The following GPX4 variants were observed in gnomAD, a reference collection of about 807,000 sequenced individuals.
GPX4 encodes phospholipid hydroperoxide glutathione peroxidase GPX4.
GPX4 carries 28 observed loss-of-function variants against 27.8 expected under a neutral mutation model. The observed-to-expected ratio is 1.01, with a 90% CI of 0.75 to 1.38. GPX4 has a LOEUF of 1.38. Among genes scored for constraint, GPX4 ranks in the 40% most tolerant of loss-of-function variants. The probability of loss-of-function intolerance (pLI) is 0.00; values close to 1 mark genes in which losing one functional copy is unlikely to be tolerated. For missense variants in GPX4, 357 were observed against 274.1 expected, an observed-to-expected ratio of 1.30 and a Z score of -2.14; for synonymous variants, 163 against 107.8, an observed-to-expected ratio of 1.51 and a Z score of -3.17.
chr19:1,106,697 C>G lies in GPX4; in HGVS notation c.*125C>G. On this transcript the variant is annotated 3_prime_UTR_variant, in exon 7 of 7. Coordinates refer to ENST00000354171, the MANE Select transcript of GPX4 (RefSeq NM_002085.5). The stretch of plus-strand genomic sequence containing the variant: ...ACCCGAAAATCCAGCGTGCACCCCG[C>G]CGGAGGAAGGTCCCATGGCCTGCTG... 7.5e-7 allele frequency: 1 copy of G among 1,327,300 alleles called. No individual in the cohort carries two copies. The highest frequency in any genetic ancestry group is 1.0e-6 in the Non-Finnish European group (1 of 963,886). The allele number at this position is 1,327,300 out of a possible 1,614,324, so 82.2% of individuals were successfully genotyped here. A position where few individuals can be genotyped will look rare whatever the true frequency, so the allele number is the denominator to read the frequency against.
In GPX4 at chr19:1,105,427, A is replaced by T; in HGVS notation, c.241A>T (p.Thr81Ser). Reference protein sequence around the residue: ...SQUGKTEVNYTQLVDLHARYA... With the variant: ...SQUGKTEVNYSQLVDLHARYA... ...GTGAGGCAAGACCGAAGTAAACTAC[A>T]CTCAGCTCGTCGACCTGCACGCCCG... The change falls in exon 3 of 7, where the codon ACT becomes TCT. Residue 81 changes from threonine to serine, a missense_variant. By Grantham distance (58) the Thr-to-Ser change is moderately conservative. Transcript: ENST00000354171. 6.2e-7 allele frequency: 1 copy of T among 1,612,268 alleles called. No individual in the cohort carries two copies. The highest frequency in any genetic ancestry group is 8.5e-7 in the Non-Finnish European group (1 of 1,179,620).
chr19:1,105,699 C>G lies in GPX4; in HGVS notation c.366C>G (p.Gly122=), dbSNP rs1042863. ...AAGAGATCAAAGAGTTCGCCGCGGG[C>G]TACAACGTCAAATTCGATATGTTCA... The part of the protein sequence containing the change: ...SNEEIKEFAA[G]YNVKFDMFSK... Residue 122 remains glycine, a synonymous_variant, in exon 4 of 7, where the codon GGC becomes GGG. Coordinates refer to ENST00000354171, the MANE Select transcript of GPX4 (RefSeq NM_002085.5). 1.9e-6 allele frequency: 3 copies of G among 1,612,290 alleles called. No individual in the cohort carries two copies. The highest frequency in any genetic ancestry group is 1.7e-5 in the Admixed American group (1 of 59,760).
In GPX4 at chr19:1,105,426, C is replaced by A; in HGVS notation, c.240C>A (p.Tyr80Ter). The A allele has an allele frequency of 6.2e-7, 1 of 1,612,398 alleles. No individual in the cohort carries two copies. Among genetic ancestry groups the A allele is most frequent in the Non-Finnish European group, 8.5e-7 (1 of 1,179,620 alleles). ...AGTGAGGCAAGACCGAAGTAAACTA[C>A]ACTCAGCTCGTCGACCTGCACGCCC... The part of the protein sequence containing the change: ...ASQUGKTEVN[Y>*]TQLVDLHARY... The change falls in exon 3 of 7, where the codon TAC becomes TAA. Residue 80 changes from tyrosine to a stop codon, truncating the protein, a stop_gained. Coordinates refer to ENST00000354171, the MANE Select transcript of GPX4 (RefSeq NM_002085.5). LOFTEE classifies it high-confidence loss of function.
In GPX4 at chr19:1,106,551, G is replaced by A. The variant is rs1254998317; in HGVS notation, c.573G>A (p.Lys191=). 6.2e-7 allele frequency: 1 copy of A among 1,613,416 alleles called. No individual in the cohort carries two copies. Among genetic ancestry groups the A allele is most frequent in the South Asian group, 1.1e-5 (1 of 91,086 alleles). ...GPMEEPLVIE[K]DLPHYF ...TTCCTCCCCGACAGGTGATAGAGAA[G>A]GACCTGCCCCACTATTTCTAGCTCC... Residue 191 remains lysine, a synonymous_variant, in exon 7 of 7, where the codon AAG becomes AAA. Coordinates refer to ENST00000354171, the MANE Select transcript of GPX4 (RefSeq NM_002085.5).
chr19:1,105,954 TGG>T lies in GPX4; in HGVS notation c.476+149_476+150del, dbSNP rs1235075013. On this transcript the variant is annotated intron_variant, in intron 4 of 6. Coordinates refer to ENST00000354171, the MANE Select transcript of GPX4 (RefSeq NM_002085.5). ...GGGACTCTCACATCGCGTGGCCTCC[TGG>T]GGGTAAGATGGCTCAGGGGGACATA... 5 of 947,762 alleles carry T rather than the reference TGG, an allele frequency of 5.3e-6. No homozygotes were observed. The Admixed American group carries it at 1.2e-4, about 23-fold the overall frequency. The allele number at this position is 947,762 out of a possible 1,614,324, so 58.7% of individuals were successfully genotyped here.
At position 1,105,911 on chromosome 19, in the gene GPX4, C is replaced by T. The variant is rs1034051369; in HGVS notation, c.476+102C>T. 6 of 1,284,512 alleles carry T rather than the reference C, an allele frequency of 4.7e-6. No homozygotes were observed. The South Asian group carries it at 4.8e-5, about 10-fold the overall frequency. The allele number at this position is 1,284,512 out of a possible 1,614,324, so 79.6% of individuals were successfully genotyped here. A position where few individuals can be genotyped will look rare whatever the true frequency, so the allele number is the denominator to read the frequency against. On this transcript the variant is annotated intron_variant, in intron 4 of 6. Coordinates refer to ENST00000354171, the MANE Select transcript of GPX4 (RefSeq NM_002085.5). The stretch of plus-strand genomic sequence containing the variant: ...GCAGAATGGCTCATGGCTCGGGGGG[C>T]GGTTGCGGGGAGGTGCTGGGACTCT...
chr19:1,104,264 A>T (rs1402476047), intron 1 of GPX4, 137 bp downstream of exon 1: 4 of 759,386 alleles, frequency 5.3e-6, no homozygotes, highest in Non-Finnish European at 7.6e-6. Flanking sequence ...CCCCCTCCCC[A>T]CCCCCGGCCG....
chr19:1,106,532 C>A lies in GPX4; in HGVS notation c.562-8C>A. 6.2e-7 allele frequency: 1 copy of A among 1,613,096 alleles called. No individual in the cohort carries two copies. The highest frequency in any genetic ancestry group is 2.2e-5 in the East Asian group (1 of 44,852). Reference sequence around the variant, plus strand: ...TAGCTGCCCTAACCCAGCTTTCCTCCCCGACAGGTGATAGAGAAGGACCTG... The same window carrying A: ...TAGCTGCCCTAACCCAGCTTTCCTCACCGACAGGTGATAGAGAAGGACCTG... On this transcript the variant is annotated splice_polypyrimidine_tract_variant and splice_region_variant and intron_variant, in intron 6 of 6. Coordinates refer to ENST00000354171, the MANE Select transcript of GPX4 (RefSeq NM_002085.5).
intron 4 of GPX4, 138 bp downstream of exon 4, chr19:1,105,947 G>T: frequency 3.8e-6 from 4 of 1,063,606 alleles, no homozygotes; most frequent in Non-Finnish European, 5.4e-6. Context: ...CACATCGCGT[G>T]GCCTCCTGGG....
At chr19:1,106,313 C>T (rs368488297) in intron 5 of GPX4, 47 bp downstream of exon 5, 29 of 1,607,296 alleles carry the variant, frequency 1.8e-5, no homozygotes, top group African/African-American at 2.7e-5. Flanking sequence ...CTGGCCACAG[C>T]CGTGGCCCAG....
chr19:1,105,819 C>T lies in GPX4; in HGVS notation c.476+10C>T, dbSNP rs2079644321. On this transcript the variant is annotated intron_variant, in intron 4 of 6. Transcript: ENST00000354171. The stretch of plus-strand genomic sequence containing the variant: ...AGGGCATCCTGGGAAAGTGCGTGAC[C>T]TCTGGGGACAGTACGGCTGCTGGGG... The T allele has an allele frequency of 1.7e-6, 2 of 1,200,374 alleles. No individual in the cohort carries two copies. The highest frequency in any genetic ancestry group is 1.7e-5 in the African/African-American group (1 of 59,324). 74.4% of individuals were successfully genotyped at this position (1,200,374 alleles called of 1,614,324 possible).
At chr19:1,104,589 C>A in intron 1 of GPX4, 3 of 972,996 alleles carry the variant, frequency 3.1e-6, no homozygotes, top group Non-Finnish European at 3.7e-6. Context: ...CCGGATCACG[C>A]GCCCCCGGGC....
Position 1,106,583 on chromosome 19 carries a change from G to A in GPX4, c.*11G>A. On this transcript the variant is annotated 3_prime_UTR_variant, in exon 7 of 7. Coordinates refer to ENST00000354171, the MANE Select transcript of GPX4 (RefSeq NM_002085.5). ...CCCCACTATTTCTAGCTCCACAAGT[G>A]TGTGGCCCCGCCCGAGCCCCTGCCC... 1.9e-6 allele frequency: 3 copies of A among 1,613,372 alleles called. No individual in the cohort carries two copies. The highest frequency in any genetic ancestry group is 2.5e-6 in the Non-Finnish European group (3 of 1,179,856).
At position 1,105,810 on chromosome 19, in the gene GPX4, G is replaced by A; in HGVS notation, c.476+1G>A. On this transcript the variant is annotated splice_donor_variant, in intron 4 of 6. Transcript: ENST00000354171. LOFTEE classifies it high-confidence loss of function. ...CCAAGGGCAAGGGCATCCTGGGAAA[G>A]TGCGTGACCTCTGGGGACAGTACGG... 1 of 1,561,564 alleles carries A rather than the reference G, an allele frequency of 6.4e-7. No individual in the cohort carries two copies. The highest frequency in any genetic ancestry group is 8.7e-7 in the Non-Finnish European group (1 of 1,152,896).
intron 1 of GPX4, 177 bp from the exon 2 acceptor site, chr19:1,105,009 A>T: frequency 6.8e-7 from 1 of 1,460,926 alleles, no homozygotes; most frequent in Non-Finnish European, 9.1e-7. Context: ...GTCTCCGGTA[A>T]AACCGGACCA....
intron 4 of GPX4, 189 bp from the exon 5 acceptor site, chr19:1,106,053 G>C (rs1425536175): frequency 1.4e-6 from 1 of 692,792 alleles, no homozygotes; most frequent in Non-Finnish European, 2.4e-6. Context: ...TCGGGGGCCT[G>C]TGGGGGGCTG....
rs2079620557 is a variant in GPX4 at position 1,104,091 on chromosome 19, T to TG, written c.52dup (p.Ala18GlyfsTer38). On this transcript the variant is annotated frameshift_variant, in exon 1 of 7. Coordinates refer to ENST00000354171, the MANE Select transcript of GPX4 (RefSeq NM_002085.5). LOFTEE classifies it high-confidence loss of function. ...GCCTACTGAAGCCGGCGCTGCTCTG[T>TG]GGGGCTCTGGCCGCGCCTGGCCTGG... 6.6e-7 allele frequency: 1 copy of TG among 1,512,746 alleles called. No homozygotes were observed. The highest frequency in any genetic ancestry group is 8.8e-7 in the Non-Finnish European group (1 of 1,137,438). The allele number at this position is 1,512,746 out of a possible 1,614,324, so 93.7% of individuals were successfully genotyped here. A position where few individuals can be genotyped will look rare whatever the true frequency, so the allele number is the denominator to read the frequency against.
At chr19:1,106,217 T>C (rs759817182) in intron 4 of GPX4, 25 bp from the exon 5 acceptor site, 3 of 1,591,320 alleles carry the variant, frequency 1.9e-6, no homozygotes, top group Non-Finnish European at 2.6e-6. Flanking sequence ...CTGGGGACGC[T>C]CACGTCCATG....
intron 1 of GPX4, chr19:1,104,665 C>A: frequency 1.0e-6 from 1 of 985,254 alleles, no homozygotes; most frequent in Non-Finnish European, 1.2e-6. Flanking sequence ...TGACTACGGC[C>A]TCCGGGCCCT....
Sources: allele counts gnomAD v4.1 joint callset, GRCh38; gene constraint gnomAD v4.1.1; transcripts MANE v1.5; gene names NCBI Gene and HGNC (gene_info 2026-07-23, HGNC 2026-07-21).